The following LSP1 variants were observed in gnomAD, a reference collection of about 807,000 sequenced individuals.
LSP1 encodes the protein lymphocyte specific protein 1, also known as lymphocyte-specific protein 1.
Under a neutral mutation model 49.3 loss-of-function variants are expected in LSP1, and 32 were observed. The observed-to-expected ratio is 0.65, with a 90% CI of 0.49 to 0.87. The LOEUF is 0.87. Ranked by LOEUF, LSP1 falls within the 40% of genes least tolerant of loss-of-function variation. The probability of loss-of-function intolerance (pLI) is 0.00; values close to 1 mark genes in which losing one functional copy is unlikely to be tolerated. For missense variants in LSP1, 428 were observed against 442.6 expected (o/e 0.97, Z 0.30); for synonymous variants, 179 against 178.8 (o/e 1.00, Z -0.01).
At position 1,886,415 on chromosome 11, in the gene LSP1, T is replaced by A. The variant is rs1848750816; in HGVS notation, c.718-317T>A. 2.0e-5 allele frequency among the ~76,000 whole-genome samples: 3 copies of A among 152,196 alleles called. No individual in the cohort carries two copies. The South Asian group carries it at 6.2e-4, about 32-fold the overall frequency. On this transcript the variant is annotated intron_variant, in intron 7 of 10. Coordinates refer to ENST00000311604, the MANE Select transcript of LSP1 (RefSeq NM_002339.3). ...AACCAATACTCTGAAATTTAACCATTGTCCCTCTATCCATTCAATGTCCCT... is the reference window on the plus strand; with the variant it reads ...AACCAATACTCTGAAATTTAACCATAGTCCCTCTATCCATTCAATGTCCCT...
At position 1,881,525 on chromosome 11, in the gene LSP1, G is replaced by T. The variant is rs1464317130; in HGVS notation, c.285G>T (p.Glu95Asp). Residue 95 changes from glutamate (E) to aspartate (D), a missense_variant, in exon 3 of 11, where the codon GAG (glutamate) becomes GAT (aspartate). Physicochemically the swap from Glu to Asp is conservative, Grantham distance 45 (BLOSUM62 2). Coordinates refer to ENST00000311604, the MANE Select transcript of LSP1 (RefSeq NM_002339.3). Reference sequence around the variant, plus strand: ...GGCCAGAGCAGCGGCAGCAGCACGAGGGGGCGCAGGGCGCCTTGGACAGCG... The same window carrying T: ...GGCCAGAGCAGCGGCAGCAGCACGATGGGGCGCAGGGCGCCTTGGACAGCG... ...SQRPEQRQQH[E>D]GAQGALDSGE... 1 of 1,557,536 alleles carries T rather than the reference G, an allele frequency of 6.4e-7. No individual in the cohort carries two copies. Among genetic ancestry groups the T allele is most frequent in the African/African-American group, 1.4e-5 (1 of 73,680 alleles).
intron 1 of LSP1, among the ~76,000 whole-genome samples, chr11:1,876,004 T>C (rs1333533398): frequency 6.6e-6 from 1 of 152,240 alleles, no homozygotes; most frequent in Non-Finnish European, 1.5e-5. Flanking sequence ...GGCCTGCTGA[T>C]GGGGGCTCAT....
At chr11:1,860,632 A>G (rs1459578549) in intron 1 of LSP1, among the ~76,000 whole-genome samples, 1 of 152,238 alleles carries the variant, frequency 6.6e-6, no homozygotes, top group Non-Finnish European at 1.5e-5. Context: ...ATGTGGTACA[A>G]ATATGAATCT....
At chr11:1,881,708 G>T (rs1848554286) in intron 3 of LSP1, 112 bp downstream of exon 3, 1 of 1,227,020 alleles carries the variant, frequency 8.1e-7, no homozygotes, top group South Asian at 1.8e-5. Flanking sequence ...GCGGGCGCTG[G>T]GCAGAGCAGG....
intron 1 of LSP1, among the ~76,000 whole-genome samples, chr11:1,876,904 G>T (rs1038189505): frequency 3.3e-5 from 5 of 152,184 alleles, no homozygotes; most frequent in Admixed American, 2.6e-4. Flanking sequence ...TGGAGCCTGG[G>T]ACTGTGAGGG....
chr11:1,872,479 C>G lies in LSP1; in HGVS notation c.54-7608C>G, dbSNP rs539424196. On this transcript the variant is annotated intron_variant, in intron 1 of 10. Coordinates refer to ENST00000311604, the MANE Select transcript of LSP1 (RefSeq NM_002339.3). ...GGGGTCTGTCCGCTGGCGTGGGCAC[C>G]TTTGGGATGGGGTGTGTGTGGTGGG... Among the ~76,000 whole-genome samples, 17 of 132,380 alleles carry G rather than the reference C, an allele frequency of 1.3e-4. No individual in the cohort carries two copies. The South Asian group carries it at 3.2e-3, about 25-fold the overall frequency. The allele number at this position is 132,380 out of a possible 152,430, so 86.8% of individuals were successfully genotyped here.
At chr11:1,854,563 A>T (rs1266135448) in intron 1 of LSP1, among the ~76,000 whole-genome samples, 1 of 152,136 alleles carries the variant, frequency 6.6e-6, no homozygotes, top group African/African-American at 2.4e-5. Flanking sequence ...ACTTGGGTAC[A>T]GGTGCGGGGG....
chr11:1,864,043 C>T lies in LSP1; in HGVS notation c.53+10846C>T, dbSNP rs1192055640. 1.1e-4 allele frequency: 18 copies of T among 157,558 alleles called. No homozygotes were observed. The East Asian group carries it at 6.6e-3, about 58-fold the overall frequency. 9.8% of individuals were successfully genotyped at this position (157,558 alleles called of 1,614,324 possible). On this transcript the variant is annotated intron_variant, in intron 1 of 10. Coordinates refer to ENST00000311604, the MANE Select transcript of LSP1 (RefSeq NM_002339.3). ...CAAAGGGAAAGTGGAGAACCAGGAGCGGGGGAGAGGGGAGGAGGGGAGAGG... is the reference window on the plus strand; with the variant it reads ...CAAAGGGAAAGTGGAGAACCAGGAGTGGGGGAGAGGGGAGGAGGGGAGAGG...
At chr11:1,883,250 G>A (rs537327960) in intron 3 of LSP1, among the ~76,000 whole-genome samples, 169 bp from the exon 4 acceptor site, 117 of 152,272 alleles carry the variant, frequency 7.7e-4, no homozygotes, top group Non-Finnish European at 1.5e-3. Flanking sequence ...CTGGCTCTGA[G>A]GCCACTGGAC....
chr11:1,890,610 A>G, intron 10 of LSP1: 1 of 696,800 alleles, frequency 1.4e-6, no homozygotes, highest in Admixed American at 2.0e-5. Context: ...TGGGAGGGAC[A>G]GTGGTCAGGC....
chr11:1,889,170 G>A (rs1416555140), intron 10 of LSP1: 1 of 673,688 alleles, frequency 1.5e-6, no homozygotes, highest in South Asian at 1.6e-5. Flanking sequence ...GCCAGTCGCT[G>A]TGCGGTTGAA....
chr11:1,859,782 G>A (rs1847579757), intron 1 of LSP1, among the ~76,000 whole-genome samples: 1 of 146,772 alleles, frequency 6.8e-6, no homozygotes, highest in Non-Finnish European at 1.5e-5. Context: ...CCTGCTGTCA[G>A]CAGTGCCTGC....
At chr11:1,870,390 C>G (rs1483947396) in intron 1 of LSP1, 3 of 1,237,494 alleles carry the variant, frequency 2.4e-6, no homozygotes, top group Non-Finnish European at 3.1e-6. Flanking sequence ...CAGGGGCAGA[C>G]TCTTTTCTGC....
At chr11:1,876,921 G>A (rs1482333372) in intron 1 of LSP1, among the ~76,000 whole-genome samples, 4 of 152,202 alleles carry the variant, frequency 2.6e-5, no homozygotes, top group Non-Finnish European at 5.9e-5. Context: ...AGGGTGCGGG[G>A]GTGTGCTGGG....
intron 1 of LSP1, among the ~76,000 whole-genome samples, chr11:1,872,023 T>TG (rs1848039130): frequency 7.5e-6 from 1 of 133,040 alleles, no homozygotes. Flanking sequence ...TGGGACGGGG[T>TG]GTGTGTGGCA....
At chr11:1,861,191 G>A (rs995510630) in intron 1 of LSP1, among the ~76,000 whole-genome samples, 2 of 152,060 alleles carry the variant, frequency 1.3e-5, no homozygotes, top group Non-Finnish European at 2.9e-5. Context: ...CATATATAAA[G>A]ACCCAAGGAA....
chr11:1,884,412 A>T lies in LSP1; in HGVS notation c.636-88A>T. Reference sequence around the variant, plus strand: ...AGGGAGTCACAAGGTAGAGATCTGGAGACCGAGGGGGGCTCTGGGAGAGGC... The same window carrying T: ...AGGGAGTCACAAGGTAGAGATCTGGTGACCGAGGGGGGCTCTGGGAGAGGC... On this transcript the variant is annotated intron_variant, in intron 6 of 10. Transcript: ENST00000311604. This position sits in a 1 kb window ranked among gnomAD's most constrained non-coding sequence, Gnocchi z 4.1. 1 of 1,607,542 alleles carries T rather than the reference A, an allele frequency of 6.2e-7. No homozygotes were observed. Among genetic ancestry groups the T allele is most frequent in the Admixed American group, 1.7e-5 (1 of 59,974 alleles).
Position 1,886,949 on chromosome 11 carries a change from C to T in LSP1, c.852+83C>T, listed in dbSNP as rs1488817100. 7.2e-6 allele frequency: 11 copies of T among 1,518,256 alleles called. 1 individual carries two copies. In the Middle Eastern group the frequency reaches 7.2e-4, roughly 100 times the overall value. 94.0% of individuals were successfully genotyped at this position (1,518,256 alleles called of 1,614,324 possible). A position where few individuals can be genotyped will look rare whatever the true frequency, so the allele number is the denominator to read the frequency against. On this transcript the variant is annotated intron_variant, in intron 8 of 10. Transcript: ENST00000311604. ...AGCAGGCCGGGTTTCCTTGTTAAGACAAGCATGGGACTGTCCAGGATGAAT... is the reference window on the plus strand; with the variant it reads ...AGCAGGCCGGGTTTCCTTGTTAAGATAAGCATGGGACTGTCCAGGATGAAT...
intron 1 of LSP1, chr11:1,870,627 C>T: frequency 3.6e-6 from 4 of 1,097,574 alleles, no homozygotes; most frequent in Non-Finnish European, 4.5e-6. Context: ...TGGCTTGGTC[C>T]TTCTCTCTGG....
Sources: allele counts gnomAD v4.1 joint callset (sites outside exome capture counted in the v4.1 genomes callset), GRCh38; gene constraint gnomAD v4.1.1; non-coding constraint Gnocchi (gnomAD v3.1); transcripts MANE v1.5; gene names NCBI Gene and HGNC (gene_info 2026-07-23, HGNC 2026-07-21).